The following LOC730098 variants were observed in gnomAD, a reference collection of about 807,000 sequenced individuals.
the LOC730098 span, chr9:34,665,095 C>G: frequency 1.7e-6 from 1 of 599,472 alleles, no homozygotes; most frequent in South Asian, 2.0e-5. Context: ...GGGGAAGCCA[C>G]GACCCGAGCG....
At chr9:34,665,822 G>A in the LOC730098 span, 1 of 612,872 alleles carries the variant, frequency 1.6e-6, no homozygotes. Flanking sequence ...GGGACAGGGT[G>A]GGCTTGGAGA....
At chr9:34,665,611 ACTC>A in the LOC730098 span, 2 of 666,522 alleles carry the variant, frequency 3.0e-6, no homozygotes, top group African/African-American at 2.2e-5. Context: ...GCCTCCACTC[ACTC>A]CTCCTCCGCC....
At chr9:34,665,967 G>A in the LOC730098 span, 2 of 481,052 alleles carry the variant, frequency 4.2e-6, no homozygotes, top group Non-Finnish European at 7.5e-6. Context: ...ATTTTCAGGG[G>A]CTGGGGTCAC....
At chr9:34,665,394 C>CGGGCG in the LOC730098 span, 89 of 426,772 alleles carry the variant, frequency 2.1e-4, no homozygotes, top group East Asian at 7.5e-4. Context: ...AGGGCAGAGC[C>CGGGCG]GGGCGGGGCG....
chr9:34,664,837 T>G, the LOC730098 span: 2 of 413,066 alleles, frequency 4.8e-6, no homozygotes, highest in Non-Finnish European at 4.3e-6. Context: ...TATGGGTTTT[T>G]GGGGGTTGGG....
At chr9:34,665,242 C>T in the LOC730098 span, 1 of 694,080 alleles carries the variant, frequency 1.4e-6, no homozygotes, top group Non-Finnish European at 2.6e-6. Context: ...TACCGGATTC[C>T]CCCCGATGGG....
the LOC730098 span, chr9:34,664,919 C>T: frequency 2.2e-6 from 1 of 464,218 alleles, no homozygotes; most frequent in African/African-American, 2.0e-5. Flanking sequence ...GGAAGGGCAC[C>T]CTTCCAGGGA....
the LOC730098 span, chr9:34,664,298 C>T: frequency 6.6e-6 from 1 of 152,382 alleles, no homozygotes; most frequent in East Asian, 1.9e-4. Flanking sequence ...GTCTTCTCCC[C>T]AGCCACAATC....
the LOC730098 span, chr9:34,665,181 G>C: frequency 1.9e-5 from 12 of 640,512 alleles, no homozygotes; most frequent in Non-Finnish European, 3.4e-5. Context: ...GCTCCCCGGG[G>C]TGCGCCGAGC....
the LOC730098 span, chr9:34,665,829 G>C: frequency 1.6e-6 from 1 of 608,140 alleles, no homozygotes; most frequent in African/African-American, 1.9e-5. Context: ...GGTGGGCTTG[G>C]AGATTTGGGA....
the LOC730098 span, chr9:34,665,375 T>C: frequency 1.9e-6 from 1 of 522,574 alleles, no homozygotes. Flanking sequence ...CAGTAGATCC[T>C]GCAGAGAGAG....
the LOC730098 span, chr9:34,665,193 G>A: frequency 1.5e-6 from 1 of 652,132 alleles, no homozygotes; most frequent in Non-Finnish European, 2.8e-6. Flanking sequence ...GCGCCGAGCT[G>A]TGGGGCGACC....
chr9:34,665,654 C>G, the LOC730098 span: 1 of 701,278 alleles, frequency 1.4e-6, no homozygotes, highest in South Asian at 1.5e-5. Context: ...TCCTCATTCC[C>G]GACATGTCCT....
chr9:34,665,550 A>G, the LOC730098 span: 5 of 687,640 alleles, frequency 7.3e-6, no homozygotes, highest in South Asian at 1.5e-5. Context: ...CCCCCGCAGA[A>G]CTCCACCCTC....
the LOC730098 span, chr9:34,664,890 T>A: frequency 2.3e-6 from 1 of 443,896 alleles, no homozygotes; most frequent in Non-Finnish European, 4.0e-6. Context: ...GGCCTGACAC[T>A]GATGAGGGGC....
the LOC730098 span, chr9:34,665,801 G>T: frequency 9.1e-3 from 5,808 of 636,298 alleles, 213 homozygotes; most frequent in African/African-American, 0.086. Flanking sequence ...AGAAGCCTCA[G>T]TTGCCACCAC....
At chr9:34,665,532 A>ACCCC in the LOC730098 span, 1 of 233,018 alleles carries the variant, frequency 4.3e-6, no homozygotes, top group South Asian at 4.0e-5. Flanking sequence ...CGCCCTGCCC[A>ACCCC]CCCCTCGCCC....
the LOC730098 span, chr9:34,665,412 G>A: frequency 1.4e-5 from 10 of 699,724 alleles, no homozygotes; most frequent in Middle Eastern, 9.5e-4. Flanking sequence ...GCGGGGCGGG[G>A]CGGGGAGGAG....
At chr9:34,665,402 G>C in the LOC730098 span, 1 of 699,740 alleles carries the variant, frequency 1.4e-6, no homozygotes, top group Non-Finnish European at 2.6e-6. Context: ...GCCGGGCGGG[G>C]CGGGGCGGGG....
Sources: gnomAD v4.1 joint callset for allele counts on GRCh38, gnomAD v4.1.1 for gene constraint, MANE v1.5 for transcripts.